The following ITFG1 variants were observed in gnomAD, a reference collection of about 807,000 sequenced individuals.
The protein encoded by ITFG1 is T-cell immunomodulatory protein.
Under a neutral mutation model 81.8 loss-of-function variants are expected in ITFG1, and 34 were observed. That is an observed-to-expected ratio of 0.42 (90% CI 0.32 to 0.55). ITFG1 has a LOEUF of 0.55. ITFG1 is among the 20% of genes least tolerant of loss of function. ITFG1 has a pLI of 0.17. For synonymous variants in ITFG1, 285 were observed against 270.6 expected (o/e 1.05, Z -0.52); for missense variants, 672 against 755.4 (o/e 0.89, Z 1.29).
At chr16:47,286,898 TGA>T (rs1966871745) in intron 10 of ITFG1, among the ~76,000 whole-genome samples, 3 of 152,232 alleles carry the variant, frequency 2.0e-5, no homozygotes, top group African/African-American at 7.2e-5. Flanking sequence ...AAAAACTCAC[TGA>T]ACATCTCACA....
At chr16:47,439,748 C>G (rs1265890679) in intron 5 of ITFG1, among the ~76,000 whole-genome samples, 2 of 152,124 alleles carry the variant, frequency 1.3e-5, no homozygotes, top group Non-Finnish European at 1.5e-5. Context: ...ACTGTAAAGA[C>G]CATGAAGGTT....
intron 11 of ITFG1, among the ~76,000 whole-genome samples, chr16:47,260,096 G>A (rs1293358873): frequency 6.6e-6 from 1 of 151,944 alleles, no homozygotes; most frequent in East Asian, 1.9e-4. Context: ...ACGCCACCAC[G>A]CCCGGCTAAT....
intron 14 of ITFG1, among the ~76,000 whole-genome samples, chr16:47,185,952 C>G (rs991470159): frequency 6.6e-6 from 1 of 152,220 alleles, no homozygotes; most frequent in Non-Finnish European, 1.5e-5. Flanking sequence ...CACAGAAATA[C>G]AAACTACCAT....
chr16:47,287,507 C>T (rs1312701617), intron 10 of ITFG1, among the ~76,000 whole-genome samples: 2 of 152,058 alleles, frequency 1.3e-5, no homozygotes, highest in Non-Finnish European at 1.5e-5. Context: ...CTCAAGCGAT[C>T]CTCCTGCCTT....
intron 6 of ITFG1, among the ~76,000 whole-genome samples, chr16:47,387,395 C>T (rs1968475886): frequency 6.6e-6 from 1 of 152,172 alleles, no homozygotes. Flanking sequence ...GAATCTGGCT[C>T]CATTTTTTAA....
At chr16:47,348,953 C>A (rs995948058) in intron 8 of ITFG1, among the ~76,000 whole-genome samples, 1 of 152,074 alleles carries the variant, frequency 6.6e-6, no homozygotes, top group African/African-American at 2.4e-5. Context: ...TCATATCCAG[C>A]CAAACTAAGC....
At chr16:47,238,344 G>C (rs1166861918) in intron 12 of ITFG1, 1 of 174,506 alleles carries the variant, frequency 5.7e-6, no homozygotes, top group African/African-American at 2.4e-5. Flanking sequence ...TTCTGACAGA[G>C]GGGTGCCAAA....
At chr16:47,176,851 A>G (rs191475979) in intron 14 of ITFG1, among the ~76,000 whole-genome samples, 28 of 152,276 alleles carry the variant, frequency 1.8e-4, no homozygotes, top group Admixed American at 1.6e-3. Flanking sequence ...GCCTTTTTTG[A>G]TAAGTGATAA....
At chr16:47,249,005 CT>C (rs1198430972) in intron 12 of ITFG1, among the ~76,000 whole-genome samples, 2 of 152,180 alleles carry the variant, frequency 1.3e-5, no homozygotes, top group African/African-American at 4.8e-5. Context: ...GTGTAACTCT[CT>C]CTGTGTTGCT....
chr16:47,404,406 C>T (rs148465617), intron 6 of ITFG1, among the ~76,000 whole-genome samples: 1 of 152,208 alleles, frequency 6.6e-6, no homozygotes, highest in Admixed American at 6.5e-5. Context: ...TAGTATAGGG[C>T]CCCCTTTATT....
intron 10 of ITFG1, among the ~76,000 whole-genome samples, chr16:47,301,542 G>T (rs1022789818): frequency 6.6e-6 from 1 of 151,708 alleles, no homozygotes; most frequent in Non-Finnish European, 1.5e-5. Flanking sequence ...GACTACAGGC[G>T]CCTGCCACCA....
intron 6 of ITFG1, among the ~76,000 whole-genome samples, chr16:47,407,455 G>A (rs576258969): frequency 1.1e-4 from 16 of 152,256 alleles, no homozygotes; most frequent in Admixed American, 8.5e-4. Context: ...GGGTTCAAGT[G>A]ATTCTCGTGC....
intron 9 of ITFG1, chr16:47,312,028 C>T (rs887238749): frequency 6.6e-6 from 1 of 152,086 alleles, no homozygotes; most frequent in African/African-American, 2.4e-5. Flanking sequence ...CTAAAACGGC[C>T]GGAAGCTACA....
intron 13 of ITFG1, among the ~76,000 whole-genome samples, chr16:47,234,705 C>T (rs1370611432): frequency 1.3e-5 from 2 of 152,096 alleles, no homozygotes; most frequent in Admixed American, 1.3e-4. Context: ...CCATATAAAA[C>T]TGTGATATAA....
intron 7 of ITFG1, among the ~76,000 whole-genome samples, chr16:47,373,306 G>GCAA (rs1417112888): frequency 4.0e-4 from 61 of 151,942 alleles, no homozygotes; most frequent in African/African-American, 1.5e-3. Context: ...TTTTGAGATG[G>GCAA]AGTTTTGCTC....
chr16:47,347,877 G>C (rs1967882735), intron 8 of ITFG1, among the ~76,000 whole-genome samples: 1 of 152,196 alleles, frequency 6.6e-6, no homozygotes, highest in Admixed American at 6.5e-5. Flanking sequence ...AGCAACATTT[G>C]CTGATCAGCA....
chr16:47,224,463 G>A (rs1397496189), intron 13 of ITFG1, among the ~76,000 whole-genome samples: 7 of 152,094 alleles, frequency 4.6e-5, no homozygotes, highest in Non-Finnish European at 1.5e-5. Context: ...CTCTTTTAAG[G>A]AAATCTCTGG....
intron 6 of ITFG1, among the ~76,000 whole-genome samples, chr16:47,405,069 G>GCTTTC (rs560050731): frequency 5.9e-5 from 9 of 151,776 alleles, no homozygotes; most frequent in Non-Finnish European, 1.3e-4. Flanking sequence ...CCAATTTGTG[G>GCTTTC]CTTTCCTTTC....
rs558602087 is a variant in ITFG1, at chr16:47,259,292, A to C, written c.1222-552T>G. Among the ~76,000 whole-genome samples the C allele has an allele frequency of 6.8e-4, 104 of 152,314 alleles. 1 individual carries two copies. The highest frequency in any genetic ancestry group is 1.5e-3 in the Non-Finnish European group (99 of 68,034). ...AGTTTTGCAGAGTATTTTTGATGAT[A>C]TCAGTTTGTATAAGCCCTTTTATAT... On this transcript the variant is annotated intron_variant, in intron 11 of 17. Coordinates refer to ENST00000320640, the MANE Select transcript of ITFG1 (RefSeq NM_030790.5).
Sources: allele counts gnomAD v4.1 joint callset (sites outside exome capture counted in the v4.1 genomes callset), GRCh38; gene constraint gnomAD v4.1.1; transcripts MANE v1.5; gene names NCBI Gene and HGNC (gene_info 2026-07-23, HGNC 2026-07-21).